AR: variants seen among roughly 807,000 people sequenced by gnomAD.
The protein encoded by AR is dihydrotestosterone receptor.
AR carries 8 observed loss-of-function variants against 53.9 expected under a neutral mutation model. The ratio of observed to expected loss-of-function variants is 0.15; its 90% CI spans 0.09 to 0.27. AR has a LOEUF of 0.27. Among genes scored for constraint, AR ranks in the 10% least tolerant of loss-of-function variants. The pLI is 1.00. For missense variants in AR, 639 were observed against 742.5 expected (o/e 0.86, Z 1.62); for synonymous variants, 359 against 316.4 (o/e 1.13, Z -1.43).
At chrX:67,711,242 T>G (rs1410115402) in intron 3 of AR, among the ~76,000 whole-genome samples, 160 bp from the exon 4 acceptor site, 1 of 112,101 alleles carries the variant, frequency 8.9e-6, no homozygotes, top group Non-Finnish European at 1.9e-5. Flanking sequence ...AATTATACAT[T>G]TAACCAGTGT....
chrX:67,682,223 TTCA>T (rs1339314604), intron 2 of AR, among the ~76,000 whole-genome samples: 1 of 111,770 alleles, frequency 8.9e-6, no homozygotes, highest in Non-Finnish European at 1.9e-5. Context: ...CCTCATTTTC[TTCA>T]TCATAGAATG....
chrX:67,615,803 A>G (rs1436890359), intron 1 of AR, among the ~76,000 whole-genome samples: 1 of 111,805 alleles, frequency 8.9e-6, no homozygotes, highest in Non-Finnish European at 1.9e-5. Context: ...TGGTAAATTG[A>G]ATTTACAGAA....
intron 2 of AR, among the ~76,000 whole-genome samples, chrX:67,644,333 C>T (rs969883102): frequency 2.7e-5 from 3 of 111,496 alleles, no homozygotes; most frequent in African/African-American, 9.8e-5. Context: ...GGGACCAGAC[C>T]CCTTGTTAAA....
chrX:67,694,895 A>G (rs1172205535), intron 3 of AR: 7 of 1,051,693 alleles, frequency 6.7e-6, no homozygotes, highest in Admixed American at 8.1e-5. Context: ...AGCGGGACCA[A>G]TAGTGTTTTC....
At position 67,656,351 on chromosome X, in the gene AR, C is replaced by T. The variant is rs891517682; in HGVS notation, c.1768+12944C>T. On this transcript the variant is annotated intron_variant, in intron 2 of 7. Transcript: ENST00000374690. ...TAGCACTATAAAGAGCACCTACCTG[C>T]GGCAGATACAATGTGATGGGACATG... is the stretch of plus-strand genomic sequence containing the variant. Among the ~76,000 whole-genome samples the T allele has an allele frequency of 1.3e-4, 14 of 110,939 alleles. No homozygotes were observed. The East Asian group carries it at 3.1e-3, about 25-fold the overall frequency.
At chrX:67,704,220 C>T (rs2076055257) in intron 3 of AR, among the ~76,000 whole-genome samples, 1 of 112,109 alleles carries the variant, frequency 8.9e-6, no homozygotes, top group East Asian at 2.8e-4. Flanking sequence ...GGAATCACCA[C>T]ACTGACTTCC....
At chrX:67,636,592 A>G (rs1925447562) in intron 1 of AR, among the ~76,000 whole-genome samples, 1 of 112,051 alleles carries the variant, frequency 8.9e-6, no homozygotes, top group East Asian at 2.8e-4. Flanking sequence ...AATAAACAAA[A>G]CTGCTATGAC....
chrX:67,630,827 C>T (rs1167016853), intron 1 of AR, among the ~76,000 whole-genome samples: 3 of 110,309 alleles, frequency 2.7e-5, no homozygotes, highest in Non-Finnish European at 5.7e-5. Context: ...TCTTTTAGGG[C>T]AGGCCTGGTG....
chrX:67,599,830 T>A (rs1251177932), intron 1 of AR, among the ~76,000 whole-genome samples: 1 of 112,373 alleles, frequency 8.9e-6, no homozygotes, highest in Admixed American at 9.5e-5. Flanking sequence ...CTTACAATTT[T>A]ACATGTCATT....
rs2147318756 is a variant in AR, at chrX:67,545,990, A to G, written c.844A>G (p.Thr282Ala). 8.3e-7 allele frequency: 1 copy of G among 1,211,775 alleles called. No individual in the cohort carries two copies. The change falls in exon 1 of 8, where the codon ACT becomes GCT. Residue 282 changes from threonine (T) to alanine (A), a missense_variant. Physicochemically the swap from Thr to Ala is moderately conservative, Grantham distance 58 (BLOSUM62 0). Coordinates refer to ENST00000374690, the MANE Select transcript of AR (RefSeq NM_000044.6). ...GGGAGTTCCACCCGCTGTGCGTCCC[A>G]CTCCTTGTGCCCCATTGGCCGAATG... ...LLGVPPAVRPTPCAPLAECKG... is the reference protein window; with the variant it reads ...LLGVPPAVRPAPCAPLAECKG...
intron 1 of AR, among the ~76,000 whole-genome samples, chrX:67,592,757 G>C (rs113726265): frequency 1.8e-5 from 2 of 108,672 alleles, no homozygotes; most frequent in Non-Finnish European, 3.8e-5. Flanking sequence ...TCTTTTCACT[G>C]TAGAACTTCA....
chrX:67,661,403 A>G (rs1048570312), intron 2 of AR, among the ~76,000 whole-genome samples: 1 of 111,144 alleles, frequency 9.0e-6, no homozygotes, highest in African/African-American at 3.3e-5. Context: ...TAACTAATTT[A>G]TTGAGAGTTT....
chrX:67,671,779 G>A (rs892665063), intron 2 of AR, among the ~76,000 whole-genome samples: 2 of 111,948 alleles, frequency 1.8e-5, no homozygotes, highest in Admixed American at 9.5e-5. Flanking sequence ...TTTGTATAAC[G>A]TGTAAGGAAG....
chrX:67,674,179 T>TC (rs2075884795), intron 2 of AR, among the ~76,000 whole-genome samples: 2 of 103,633 alleles, frequency 1.9e-5, no homozygotes, highest in African/African-American at 7.3e-5. Context: ...CTCTCTCTCT[T>TC]TCTCTCTCTC....
chrX:67,658,472 C>T (rs1926696313), intron 2 of AR, among the ~76,000 whole-genome samples: 1 of 112,108 alleles, frequency 8.9e-6, no homozygotes, highest in African/African-American at 3.2e-5. Context: ...TCTTTATAGA[C>T]AGGGTCTTGC....
intron 2 of AR, among the ~76,000 whole-genome samples, chrX:67,682,740 C>G (rs147443766): frequency 3.5e-4 from 39 of 111,984 alleles, no homozygotes; most frequent in Admixed American, 1.7e-3. Context: ...TACCTTGGCT[C>G]TACCATCATT....
Position 67,545,771 on chromosome X carries a change from G to C in AR, c.625G>C (p.Gly209Arg), listed in dbSNP as rs775392428. 2 of 1,211,728 alleles carry C rather than the reference G, an allele frequency of 1.7e-6. No individual in the cohort carries two copies. The highest frequency in any genetic ancestry group is 2.2e-6 in the Non-Finnish European group (2 of 895,372). Residue 209 changes from glycine (G) to arginine (R), a missense_variant, in exon 1 of 8, where the codon GGG becomes CGG. By Grantham distance (125) the Gly-to-Arg change is moderately radical. Around this residue, in one of 5 missense-constraint regions of AR, gnomAD observed 423 missense variants for 377.0 expected, o/e 1.12. Transcript: ENST00000374690. ...QEAVSEGSSS[G>R]RAREASGAPT... ...AGCAGTATCCGAAGGCAGCAGCAGCGGGAGAGCGAGGGAGGCCTCGGGGGC... is the reference window on the plus strand; with the variant it reads ...AGCAGTATCCGAAGGCAGCAGCAGCCGGAGAGCGAGGGAGGCCTCGGGGGC...
intron 7 of AR, 78 bp from the exon 8 acceptor site, chrX:67,723,608 A>T: frequency 8.8e-7 from 1 of 1,137,617 alleles, no homozygotes; most frequent in East Asian, 3.0e-5. Context: ...AAGACCAAAA[A>T]TCAGAGGTTG....
chrX:67,653,199 T>C (rs1344053523), intron 2 of AR, among the ~76,000 whole-genome samples: 2 of 112,315 alleles, frequency 1.8e-5, no homozygotes, highest in East Asian at 5.6e-4. Flanking sequence ...AGATGCTTTG[T>C]AGTCATTTTC....
Sources: allele counts gnomAD v4.1 joint callset (sites outside exome capture counted in the v4.1 genomes callset), GRCh38; gene constraint gnomAD v4.1.1; regional missense constraint gnomAD v4.1.1; transcripts MANE v1.5; gene names NCBI Gene and HGNC (gene_info 2026-07-23, HGNC 2026-07-21).